HERC1: variants seen among roughly 807,000 people sequenced by gnomAD.
HERC1 encodes probable E3 ubiquitin-protein ligase HERC1.
Under a neutral mutation model 554.3 loss-of-function variants are expected in HERC1, and 160 were observed. The ratio of observed to expected loss-of-function variants is 0.29; its 90% CI spans 0.25 to 0.33. The LOEUF (loss-of-function observed/expected upper bound fraction) is 0.33. Among genes scored for constraint, HERC1 ranks in the 10% least tolerant of loss-of-function variants. The probability of loss-of-function intolerance (pLI) is 1.00; values close to 1 mark genes in which losing one functional copy is unlikely to be tolerated. For synonymous variants in HERC1, 2,175 were observed against 2,131.7 expected (o/e 1.02, Z -0.56); for missense variants, 4,919 against 5,918.5 (o/e 0.83, Z 5.54).
chr15:63,695,579 G>T (rs2072362352), intron 27 of HERC1, among the ~76,000 whole-genome samples: 1 of 151,598 alleles, frequency 6.6e-6, no homozygotes, highest in South Asian at 2.1e-4. Flanking sequence ...GTAGAGACGG[G>T]GTTTCGCCAT....
intron 1 of HERC1, among the ~76,000 whole-genome samples, chr15:63,818,358 A>C (rs2077568484): frequency 6.6e-6 from 1 of 152,176 alleles, no homozygotes; most frequent in Non-Finnish European, 1.5e-5. Flanking sequence ...TCTTGTGTAC[A>C]AAAACCCTTT....
At chr15:63,787,318 A>C (rs1036510842) in intron 1 of HERC1, among the ~76,000 whole-genome samples, 1 of 151,418 alleles carries the variant, frequency 6.6e-6, no homozygotes, top group Non-Finnish European at 1.5e-5. Flanking sequence ...CACCACACCC[A>C]GCTAATTTTT....
intron 1 of HERC1, among the ~76,000 whole-genome samples, chr15:63,785,171 TC>T (rs2076400706): frequency 6.6e-6 from 1 of 152,144 alleles, no homozygotes; most frequent in Non-Finnish European, 1.5e-5. Context: ...ACTCCTATAA[TC>T]CCAACATTTT....
At chr15:63,623,945 A>G (rs1457881829) in intron 72 of HERC1, 55 bp from the exon 73 acceptor site, 2 of 1,560,394 alleles carry the variant, frequency 1.3e-6, no homozygotes, top group African/African-American at 2.7e-5. Context: ...TTTCCCCAAA[A>G]TCACATGATA....
At chr15:63,676,248 G>A (rs2071198785) in intron 37 of HERC1, among the ~76,000 whole-genome samples, 1 of 152,140 alleles carries the variant, frequency 6.6e-6, no homozygotes, top group Non-Finnish European at 1.5e-5. Context: ...TCTGAAACAA[G>A]GCAAAGAATG....
chr15:63,637,747 G>C, intron 63 of HERC1, 104 bp from the exon 64 acceptor site: 1 of 981,108 alleles, frequency 1.0e-6, no homozygotes, highest in Non-Finnish European at 1.5e-6. Context: ...TTTTATAATT[G>C]TTTTATCCTT....
intron 34 of HERC1, among the ~76,000 whole-genome samples, chr15:63,684,168 C>A (rs1388669329): frequency 2.0e-5 from 3 of 152,066 alleles, no homozygotes; most frequent in Non-Finnish European, 2.9e-5. Context: ...TTCTCAATAC[C>A]CTCTAGGTGA....
chr15:63,807,377 C>A (rs2077169966), intron 1 of HERC1, among the ~76,000 whole-genome samples: 1 of 152,136 alleles, frequency 6.6e-6, no homozygotes, highest in Admixed American at 6.6e-5. Context: ...AGCTCCCTTC[C>A]CACCTCACAA....
chr15:63,734,508 A>G lies in HERC1; in HGVS notation c.2646+216T>C. ...TACCATAAGAAACACTGGAAAAATT[A>G]GTCCTTATTTTAATAATTAGCCCCA... On this transcript the variant is annotated intron_variant, in intron 13 of 77. Transcript: ENST00000443617. The surrounding 1 kb of genome is among the most constrained non-coding windows in gnomAD (Gnocchi z 4.6). 4 of 349,140 alleles carry G rather than the reference A, an allele frequency of 1.1e-5. No individual in the cohort carries two copies. Among genetic ancestry groups the G allele is most frequent in the South Asian group, 1.1e-4 (2 of 18,314 alleles). The allele number at this position is 349,140 out of a possible 1,614,324, so 21.6% of individuals were successfully genotyped here.
At chr15:63,762,874 C>T (rs972501697) in intron 3 of HERC1, among the ~76,000 whole-genome samples, 6 of 152,148 alleles carry the variant, frequency 3.9e-5, no homozygotes, top group East Asian at 3.8e-4. Flanking sequence ...AATGTCCTCT[C>T]GAATGTGTCT....
intron 34 of HERC1, among the ~76,000 whole-genome samples, chr15:63,683,135 CAA>C (rs1336396917): frequency 2.6e-4 from 20 of 77,704 alleles, no homozygotes; most frequent in African/African-American, 9.1e-4. Flanking sequence ...CACTCTGTCT[CAA>C]AAAAAAAAAA....
At chr15:63,619,034 T>G (rs1220682331) in intron 74 of HERC1, among the ~76,000 whole-genome samples, 2 of 151,696 alleles carry the variant, frequency 1.3e-5, no homozygotes, top group African/African-American at 2.4e-5. Flanking sequence ...AACACTATGT[T>G]GAATAGGAGT....
Position 63,729,103 on chromosome 15 carries a change from A to C in HERC1, c.3154+133T>G, listed in dbSNP as rs1428728272. On this transcript the variant is annotated intron_variant, in intron 16 of 77. Transcript: ENST00000443617. Reference sequence around the variant, plus strand: ...TAACACTACCCCCAAACCAAGACTAAAGGAATCTTCAATAGAAGGAAATTC... The same window carrying C: ...TAACACTACCCCCAAACCAAGACTACAGGAATCTTCAATAGAAGGAAATTC... The C allele has an allele frequency of 8.4e-6, 7 of 833,590 alleles. No homozygotes were observed. In the Admixed American group the frequency reaches 1.6e-4, roughly 19 times the overall value. The allele number at this position is 833,590 out of a possible 1,614,324, so 51.6% of individuals were successfully genotyped here. A position where few individuals can be genotyped will look rare whatever the true frequency, so the allele number is the denominator to read the frequency against.
intron 51 of HERC1, among the ~76,000 whole-genome samples, chr15:63,653,035 T>C (rs1489056720): frequency 6.6e-6 from 1 of 152,226 alleles, no homozygotes. Flanking sequence ...ACTAATGCAT[T>C]TGAATTATCT....
At chr15:63,672,319 T>C (rs1018483494) in intron 39 of HERC1, among the ~76,000 whole-genome samples, 177 bp downstream of exon 39, 1 of 152,206 alleles carries the variant, frequency 6.6e-6, no homozygotes, top group Admixed American at 6.5e-5. Flanking sequence ...GGTAAGTTAT[T>C]AAACTTCTGA....
chr15:63,648,097 C>G lies in HERC1; in HGVS notation c.10850G>C (p.Gly3617Ala), dbSNP rs1228618174. The change falls in exon 55 of 78, where the codon GGA becomes GCA. Residue 3617 changes from glycine to alanine, a missense_variant. Physicochemically the swap from Gly to Ala is moderately conservative, Grantham distance 60. Around this residue, in one of 11 missense-constraint regions of HERC1, gnomAD observed 1,963 missense variants for 2,228.6 expected, o/e 0.88. Transcript: ENST00000443617. ...LLGTKEPLEK[G>A]GIVLIDAHKD... ...ATGTGCATCAATTAGAACAATGCCT[C>G]CTTTCTCAAGTGGTTCCTTTGTTCC... The G allele has an allele frequency of 6.4e-7, 1 of 1,563,858 alleles. No homozygotes were observed. Among genetic ancestry groups the G allele is most frequent in the Non-Finnish European group, 8.7e-7 (1 of 1,152,416 alleles).
chr15:63,675,610 T>C (rs1467859460), intron 37 of HERC1, among the ~76,000 whole-genome samples: 3 of 152,262 alleles, frequency 2.0e-5, no homozygotes, highest in African/African-American at 7.2e-5. Context: ...AAATGGTTAC[T>C]TATAACTTAT....
chr15:63,697,582 G>A (rs1242622027), intron 26 of HERC1, among the ~76,000 whole-genome samples: 3 of 151,094 alleles, frequency 2.0e-5, no homozygotes, highest in Non-Finnish European at 4.4e-5. Context: ...AGCCTCCCAA[G>A]TAGCTGGGAT....
At chr15:63,681,525 C>T (rs1330352306) in intron 34 of HERC1, among the ~76,000 whole-genome samples, 1 of 151,934 alleles carries the variant, frequency 6.6e-6, no homozygotes, top group African/African-American at 2.4e-5. Flanking sequence ...AAAAGGCATG[C>T]TTGCAACACT....
Sources: gnomAD v4.1 joint callset for allele counts (sites outside exome capture counted in the v4.1 genomes callset) on GRCh38, gnomAD v4.1.1 for gene constraint, gnomAD v4.1.1 regional missense constraint, Gnocchi (gnomAD v3.1) non-coding constraint, MANE v1.5 for transcripts, NCBI Gene and HGNC (gene_info 2026-07-23, HGNC 2026-07-21) for gene names.